The following NCAM1 variants were observed in gnomAD, a reference collection of about 807,000 sequenced individuals.
The protein encoded by NCAM1 is antigen recognized by monoclonal antibody 5.1H11.
NCAM1 carries 14 observed loss-of-function variants against 109.8 expected under a neutral mutation model. That is an observed-to-expected ratio of 0.13 (90% CI 0.08 to 0.20). The LOEUF (loss-of-function observed/expected upper bound fraction) is 0.20. Ranked by LOEUF, NCAM1 falls within the 10% of genes least tolerant of loss-of-function variation. NCAM1 has a pLI of 1.00. For synonymous variants in NCAM1, 418 were observed against 442.9 expected, an observed-to-expected ratio of 0.94 and a Z score of 0.70; for missense variants, 774 against 1,109.9, an observed-to-expected ratio of 0.70 and a Z score of 4.30.
At chr11:113,140,535 T>C (rs540255868) in intron 1 of NCAM1, among the ~76,000 whole-genome samples, 87 of 152,336 alleles carry the variant, frequency 5.7e-4, no homozygotes, top group African/African-American at 1.9e-3. Context: ...CTGTAAACCT[T>C]AGGCCTTTTA....
Position 113,159,099 on chromosome 11 carries a change from T to C in NCAM1, c.53-43280T>C, listed in dbSNP as rs1161249538. 2.6e-5 allele frequency among the ~76,000 whole-genome samples: 4 copies of C among 152,182 alleles called. No homozygotes were observed. In the East Asian group the frequency reaches 7.7e-4, roughly 29 times the overall value. On this transcript the variant is annotated intron_variant, in intron 1 of 19. Transcript: ENST00000316851. The stretch of plus-strand genomic sequence containing the variant: ...CCTTTATAGAGTAGTGATTTAATCT[T>C]TCTAAATTACATACTGATGCCTGTG...
intron 14 of NCAM1, among the ~76,000 whole-genome samples, chr11:113,241,009 A>G (rs1247904215): frequency 6.6e-6 from 1 of 152,210 alleles, no homozygotes; most frequent in Admixed American, 6.5e-5. Flanking sequence ...TCTCAGATCC[A>G]TGAGGGGCAG....
At chr11:113,139,866 T>C (rs529081364) in intron 1 of NCAM1, among the ~76,000 whole-genome samples, 2 of 152,320 alleles carry the variant, frequency 1.3e-5, no homozygotes, top group African/African-American at 4.8e-5. Context: ...AATATTCAAT[T>C]AAAAACTTGT....
rs114576583 is a variant in NCAM1, at chr11:113,120,235, T to C, written c.53-82144T>C. ...AAGAATTGGTAGTGTTAATGTTTGCTCTGAGGAACTTCCCTGGGCCATTAG... is the reference window on the plus strand; with the variant it reads ...AAGAATTGGTAGTGTTAATGTTTGCCCTGAGGAACTTCCCTGGGCCATTAG... On this transcript the variant is annotated intron_variant, in intron 1 of 19. Coordinates refer to ENST00000316851, the MANE Select transcript of NCAM1 (RefSeq NM_181351.5). Among the ~76,000 whole-genome samples the C allele has an allele frequency of 2.3e-3, 350 of 152,354 alleles. 4 individuals are homozygous for C. The highest frequency in any genetic ancestry group is 8.2e-3 in the African/African-American group (341 of 41,580).
chr11:113,199,596 T>C (rs1355206629), intron 1 of NCAM1, among the ~76,000 whole-genome samples: 5 of 134,320 alleles, frequency 3.7e-5, no homozygotes, highest in Non-Finnish European at 7.7e-5. Flanking sequence ...AAAACTTCTG[T>C]GATGGGAAGG....
intron 1 of NCAM1, among the ~76,000 whole-genome samples, chr11:113,150,866 G>A (rs947860715): frequency 6.6e-6 from 1 of 152,136 alleles, no homozygotes; most frequent in African/African-American, 2.4e-5. Flanking sequence ...AGATGAGCTG[G>A]GCAAGGAGGA....
intron 1 of NCAM1, among the ~76,000 whole-genome samples, chr11:113,008,560 A>G (rs1171391945): frequency 1.3e-5 from 2 of 152,224 alleles, no homozygotes; most frequent in African/African-American, 4.8e-5. Flanking sequence ...GTTTTAAGCC[A>G]GTTAATATTG....
intron 14 of NCAM1, among the ~76,000 whole-genome samples, chr11:113,235,854 T>C (rs1410053889): frequency 1.3e-5 from 2 of 152,188 alleles, no homozygotes; most frequent in Non-Finnish European, 2.9e-5. Flanking sequence ...TTGCCCTCCC[T>C]TCCCACCAGC....
At chr11:113,001,704 A>T (rs1483754094) in intron 1 of NCAM1, among the ~76,000 whole-genome samples, 2 of 152,166 alleles carry the variant, frequency 1.3e-5, no homozygotes, top group African/African-American at 4.8e-5. Flanking sequence ...TGTGGTGCCT[A>T]ACCTTGTGTT....
chr11:113,159,609 G>A (rs918488669), intron 1 of NCAM1, among the ~76,000 whole-genome samples: 1 of 152,098 alleles, frequency 6.6e-6, no homozygotes, highest in Non-Finnish European at 1.5e-5. Flanking sequence ...ACATGTATTA[G>A]AGAATTATTT....
chr11:113,096,728 C>T (rs1591321308), intron 1 of NCAM1, among the ~76,000 whole-genome samples: 1 of 152,010 alleles, frequency 6.6e-6, no homozygotes, highest in South Asian at 2.1e-4. Context: ...GATGACAAAC[C>T]CCTGAGCCTG....
chr11:113,236,657 G>A lies in NCAM1; in HGVS notation c.1825+1493G>A, dbSNP rs367620452. On this transcript the variant is annotated intron_variant, in intron 14 of 19. Coordinates refer to ENST00000316851, the MANE Select transcript of NCAM1 (RefSeq NM_181351.5). Reference sequence around the variant, plus strand: ...TCTGCAGATGGGCCCTGAATAACACGCTATAGCCCCGCCTCACCTTCAGCC... The same window carrying A: ...TCTGCAGATGGGCCCTGAATAACACACTATAGCCCCGCCTCACCTTCAGCC... Among the ~76,000 whole-genome samples, 42 of 152,298 alleles carry A rather than the reference G, an allele frequency of 2.8e-4. No individual in the cohort carries two copies. In the East Asian group the frequency reaches 4.4e-3, roughly 16 times the overall value.
chr11:113,255,301 C>A (rs1555122089), intron 15 of NCAM1, among the ~76,000 whole-genome samples: 1 of 152,104 alleles, frequency 6.6e-6, no homozygotes, highest in South Asian at 2.1e-4. Context: ...CCGGAAACTT[C>A]TTATTTTTTA....
At chr11:113,271,277 G>A (rs1555125268) in intron 18 of NCAM1, among the ~76,000 whole-genome samples, 2 of 147,694 alleles carry the variant, frequency 1.4e-5, no homozygotes, top group Non-Finnish European at 3.0e-5. Flanking sequence ...GGCTGAGGCT[G>A]GAGAATCGCT....
rs372494571 is a variant in NCAM1 at position 113,234,252 on chromosome 11, C to T, written c.1694-781C>T. ...TTGATCTCATGTCACTATCTGTCCA[C>T]CCGACTTTTTTTTTTTTTTAAAGAT... is the stretch of plus-strand genomic sequence containing the variant. On this transcript the variant is annotated intron_variant, in intron 13 of 19. Coordinates refer to ENST00000316851, the MANE Select transcript of NCAM1 (RefSeq NM_181351.5). Among the ~76,000 whole-genome samples the T allele has an allele frequency of 2.2e-5, 3 of 137,948 alleles. No individual in the cohort carries two copies. In the East Asian group the frequency reaches 7.5e-4, roughly 34 times the overall value. The allele number at this position is 137,948 out of a possible 152,430, so 90.5% of individuals were successfully genotyped here.
At chr11:113,157,166 G>C (rs570869438) in intron 1 of NCAM1, among the ~76,000 whole-genome samples, 87 of 130,382 alleles carry the variant, frequency 6.7e-4, no homozygotes, top group Middle Eastern at 3.6e-3. Context: ...CACACACACA[G>C]AGTAAGAACC....
At chr11:113,134,381 CA>C (rs1448022594) in intron 1 of NCAM1, among the ~76,000 whole-genome samples, 1 of 152,100 alleles carries the variant, frequency 6.6e-6, no homozygotes, top group Non-Finnish European at 1.5e-5. Flanking sequence ...TTTATCCATT[CA>C]CCCACTGATG....
chr11:113,204,415 C>T lies in NCAM1; in HGVS notation c.257C>T (p.Ala86Val). The stretch of plus-strand genomic sequence containing the variant: ...TCCTCCACCCTCACCATCTATAACG[C>T]CAACATCGACGACGCCGGCATTTAC... ...DSSSTLTIYN[A>V]NIDDAGIYKC... Residue 86 changes from alanine to valine, a missense_variant, in exon 3 of 20, where the codon GCC becomes GTC. This residue lies in a region of NCAM1 where 112 missense variants were observed against 142.0 expected (regional missense o/e 0.79). Transcript: ENST00000316851. The T allele has an allele frequency of 6.2e-7, 1 of 1,613,988 alleles. No homozygotes were observed. The highest frequency in any genetic ancestry group is 8.5e-7 in the Non-Finnish European group (1 of 1,179,880).
intron 1 of NCAM1, 120 bp downstream of exon 1, chr11:112,961,784 C>A: frequency 4.3e-6 from 3 of 700,932 alleles, no homozygotes; most frequent in Non-Finnish European, 2.4e-6. Flanking sequence ...TGGTCATTTT[C>A]GTTTAGCTGT....
Sources: gnomAD v4.1 joint callset for allele counts (sites outside exome capture counted in the v4.1 genomes callset) on GRCh38, gnomAD v4.1.1 for gene constraint, gnomAD v4.1.1 regional missense constraint, MANE v1.5 for transcripts, NCBI Gene and HGNC (gene_info 2026-07-23, HGNC 2026-07-21) for gene names.